Variants in EFNA5 observed in about 807,000 individuals in gnomAD.
EFNA5 encodes the protein ephrin A5, also known as ephrin-A5.
EFNA5 carries 5 observed loss-of-function variants against 22.9 expected under a neutral mutation model. The observed-to-expected ratio is 0.22, with a 90% CI of 0.11 to 0.46. EFNA5 has a LOEUF of 0.46. EFNA5 is among the 20% of genes least tolerant of loss of function. The pLI is 0.99. For synonymous variants in EFNA5, 113 were observed against 112.2 expected, an observed-to-expected ratio of 1.01 and a Z score of -0.04; for missense variants, 237 against 293.3, an observed-to-expected ratio of 0.81 and a Z score of 1.40.
chr5:107,443,018 A>G (rs1423137404), intron 1 of EFNA5, among the ~76,000 whole-genome samples: 1 of 151,394 alleles, frequency 6.6e-6, no homozygotes, highest in Admixed American at 6.6e-5. Context: ...TCTTCATATC[A>G]TGGAAGAAGA....
chr5:107,656,506 A>G lies in EFNA5; in HGVS notation c.125+13983T>C, dbSNP rs952059593. Among the ~76,000 whole-genome samples the G allele has an allele frequency of 3.9e-5, 6 of 152,322 alleles. No individual in the cohort carries two copies. The South Asian group carries it at 8.3e-4, about 21-fold the overall frequency. ...TCAACTCTTCTGTGATGCTTTTAAA[A>G]TAAGTTTTATTTGTAAGAATGTATT... On this transcript the variant is annotated intron_variant, in intron 1 of 4. Coordinates refer to ENST00000333274, the MANE Select transcript of EFNA5 (RefSeq NM_001962.3).
At chr5:107,617,234 A>C (rs1337600385) in intron 1 of EFNA5, among the ~76,000 whole-genome samples, 1 of 148,396 alleles carries the variant, frequency 6.7e-6, no homozygotes, top group Non-Finnish European at 1.5e-5. Flanking sequence ...ACACACACAC[A>C]CACAGAGAGA....
intron 1 of EFNA5, among the ~76,000 whole-genome samples, chr5:107,633,945 A>G (rs958255822): frequency 3.9e-5 from 6 of 152,178 alleles, no homozygotes; most frequent in African/African-American, 1.2e-4. Flanking sequence ...GGCATCTTAT[A>G]TCTTCCAGAA....
In EFNA5 at chr5:107,612,940, A is replaced by G. The variant is rs1386644108; in HGVS notation, c.125+57549T>C. Among the ~76,000 whole-genome samples, 3 of 152,192 alleles carry G rather than the reference A, an allele frequency of 2.0e-5. No individual in the cohort carries two copies. The East Asian group carries it at 5.8e-4, about 29-fold the overall frequency. ...AGTAGCAAAACAGGGAATAAAATAA[A>G]TAGTTTCCAAATAAAATTTCTAAAA... On this transcript the variant is annotated intron_variant, in intron 1 of 4. Coordinates refer to ENST00000333274, the MANE Select transcript of EFNA5 (RefSeq NM_001962.3).
chr5:107,400,613 A>T (rs1210738547), intron 2 of EFNA5, among the ~76,000 whole-genome samples: 1 of 152,238 alleles, frequency 6.6e-6, no homozygotes, highest in African/African-American at 2.4e-5. Flanking sequence ...GTGTTTCTAA[A>T]ATCTAACATA....
At chr5:107,564,397 T>C (rs958690925) in intron 1 of EFNA5, among the ~76,000 whole-genome samples, 3 of 152,168 alleles carry the variant, frequency 2.0e-5, no homozygotes, top group Non-Finnish European at 4.4e-5. Flanking sequence ...CTTTCACACA[T>C]ATACAGCATT....
intron 1 of EFNA5, among the ~76,000 whole-genome samples, chr5:107,638,511 A>G (rs1290810886): frequency 6.6e-6 from 1 of 152,230 alleles, no homozygotes; most frequent in Non-Finnish European, 1.5e-5. Flanking sequence ...GCATGGATCA[A>G]AAATATTTTT....
chr5:107,532,124 A>G (rs1355482106), intron 1 of EFNA5, among the ~76,000 whole-genome samples: 2 of 152,218 alleles, frequency 1.3e-5, no homozygotes, highest in African/African-American at 4.8e-5. Flanking sequence ...GCTTTGTTTT[A>G]TGAGCCCCAC....
intron 1 of EFNA5, among the ~76,000 whole-genome samples, chr5:107,500,151 C>T (rs926730014): frequency 1.3e-5 from 2 of 152,136 alleles, no homozygotes; most frequent in African/African-American, 4.8e-5. Flanking sequence ...AGCAGAACCT[C>T]CATTGTGAGA....
chr5:107,610,347 C>T (rs753946124), intron 1 of EFNA5, among the ~76,000 whole-genome samples: 1 of 152,250 alleles, frequency 6.6e-6, no homozygotes, highest in Non-Finnish European at 1.5e-5. Flanking sequence ...CCCAGCCTCA[C>T]GGCGCACCCG....
chr5:107,584,715 G>T (rs1359945602), intron 1 of EFNA5, among the ~76,000 whole-genome samples: 1 of 152,134 alleles, frequency 6.6e-6, no homozygotes, highest in Admixed American at 6.5e-5. Flanking sequence ...TTTTATAGTT[G>T]CTCCTGCTTG....
intron 1 of EFNA5, among the ~76,000 whole-genome samples, chr5:107,597,785 G>A (rs888952322): frequency 3.3e-5 from 5 of 152,218 alleles, no homozygotes; most frequent in African/African-American, 7.2e-5. Flanking sequence ...AAGGGGAAAC[G>A]ATATATATTC....
At chr5:107,416,751 A>G (rs1230418438) in intron 2 of EFNA5, among the ~76,000 whole-genome samples, 1 of 152,194 alleles carries the variant, frequency 6.6e-6, no homozygotes, top group Non-Finnish European at 1.5e-5. Flanking sequence ...TGTATATAGT[A>G]AGACCTCTAA....
At chr5:107,433,915 A>C (rs1749040297) in intron 1 of EFNA5, among the ~76,000 whole-genome samples, 1 of 152,026 alleles carries the variant, frequency 6.6e-6, no homozygotes, top group Non-Finnish European at 1.5e-5. Context: ...AAAAAAAAAA[A>C]AATTGCTCCC....
Position 107,402,538 on chromosome 5 carries a change from T to C in EFNA5, c.419-14767A>G, listed in dbSNP as rs562474627. 7.9e-5 allele frequency among the ~76,000 whole-genome samples: 12 copies of C among 152,330 alleles called. No homozygotes were observed. The East Asian group carries it at 1.7e-3, about 22-fold the overall frequency. ...CAGGTAAAACCAATGCATGCATTTA[T>C]TTATCATGCCACAAGAAATCTACAG... is the stretch of plus-strand genomic sequence containing the variant. On this transcript the variant is annotated intron_variant, in intron 2 of 4. Transcript: ENST00000333274.
At chr5:107,405,122 G>T (rs534317336) in intron 2 of EFNA5, among the ~76,000 whole-genome samples, 1 of 152,270 alleles carries the variant, frequency 6.6e-6, no homozygotes, top group Admixed American at 6.5e-5. Context: ...TGGAAGAACC[G>T]GCAGCGATAC....
intron 1 of EFNA5, among the ~76,000 whole-genome samples, chr5:107,494,310 G>C (rs1746904792): frequency 6.6e-6 from 1 of 152,202 alleles, no homozygotes; most frequent in African/African-American, 2.4e-5. Context: ...GTTCCGGGTG[G>C]GCGTGGGCTT....
intron 2 of EFNA5, among the ~76,000 whole-genome samples, chr5:107,417,000 G>A (rs1748520783): frequency 6.9e-6 from 1 of 143,984 alleles, no homozygotes; most frequent in Admixed American, 7.0e-5. Context: ...TTTTAAAAAT[G>A]TCTGTGAAAA....
intron 1 of EFNA5, among the ~76,000 whole-genome samples, chr5:107,466,143 GTTAT>G (rs1749974770): frequency 6.6e-6 from 1 of 152,134 alleles, no homozygotes; most frequent in Non-Finnish European, 1.5e-5. Context: ...CGGTGCTCGA[GTTAT>G]TTAGAGATGC....
Sources: gnomAD v4.1 joint callset for allele counts (sites outside exome capture counted in the v4.1 genomes callset) on GRCh38, gnomAD v4.1.1 for gene constraint, MANE v1.5 for transcripts, NCBI Gene and HGNC (gene_info 2026-07-23, HGNC 2026-07-21) for gene names.